The following DLG2 variants were observed in gnomAD, a reference collection of about 807,000 sequenced individuals.
The protein encoded by DLG2 is disks large homolog 2.
DLG2 carries 45 observed loss-of-function variants against 132.5 expected under a neutral mutation model. That is an observed-to-expected ratio of 0.34 (90% CI 0.27 to 0.44). The LOEUF (loss-of-function observed/expected upper bound fraction) is 0.44. Among genes scored for constraint, DLG2 ranks in the 20% least tolerant of loss-of-function variants. The pLI, the probability that DLG2 is intolerant of heterozygous loss-of-function variation, is 1.00. For synonymous variants in DLG2, 424 were observed against 419.6 expected (o/e 1.01, Z -0.13); for missense variants, 1,045 against 1,196.9 (o/e 0.87, Z 1.87).
intron 4 of DLG2, among the ~76,000 whole-genome samples, chr11:85,241,560 C>T (rs1051413060): frequency 6.6e-6 from 1 of 151,888 alleles, no homozygotes; most frequent in Admixed American, 6.6e-5. Context: ...AGATTAAGGA[C>T]ATTTCTTTCT....
intron 19 of DLG2, among the ~76,000 whole-genome samples, chr11:83,563,294 C>T (rs568356294): frequency 6.6e-6 from 1 of 152,242 alleles, no homozygotes; most frequent in South Asian, 2.1e-4. Context: ...TTCTTTACTA[C>T]TGGCTTTAAC....
At position 84,196,952 on chromosome 11, in the gene DLG2, G is replaced by A. The variant is rs537055969; in HGVS notation, c.574-33441C>T. 6.6e-4 allele frequency among the ~76,000 whole-genome samples: 98 copies of A among 148,140 alleles called. 2 individuals carry two copies. In the South Asian group the frequency reaches 0.018, roughly 27 times the overall value. The stretch of plus-strand genomic sequence containing the variant: ...CAAGGGAGGCTGAGGCAAGAGAAGC[G>A]CTTGAACCCAGGAGGCAGAGGTTGC... On this transcript the variant is annotated intron_variant, in intron 8 of 27. Transcript: ENST00000376104.
At chr11:84,778,357 A>G (rs888811684) in intron 6 of DLG2, among the ~76,000 whole-genome samples, 1 of 152,102 alleles carries the variant, frequency 6.6e-6, no homozygotes. Context: ...TTTGATTATT[A>G]TAGCCTTGGA....
chr11:85,056,035 T>C (rs1008484901), intron 6 of DLG2, among the ~76,000 whole-genome samples: 2 of 152,130 alleles, frequency 1.3e-5, no homozygotes, highest in African/African-American at 2.4e-5. Context: ...CAAAGAGAGA[T>C]AACATTCAGA....
At chr11:84,722,707 T>C (rs972969105) in intron 6 of DLG2, among the ~76,000 whole-genome samples, 1 of 152,082 alleles carries the variant, frequency 6.6e-6, no homozygotes, top group African/African-American at 2.4e-5. Context: ...GGAAACTCAA[T>C]ATGGAACAAA....
chr11:85,512,605 G>A (rs1485978642), intron 3 of DLG2, among the ~76,000 whole-genome samples: 1 of 151,970 alleles, frequency 6.6e-6, no homozygotes, highest in Non-Finnish European at 1.5e-5. Context: ...CAGTCTCCTA[G>A]CCAGGTTTAT....
At chr11:84,078,167 G>T (rs1438321561) in intron 10 of DLG2, among the ~76,000 whole-genome samples, 1 of 152,060 alleles carries the variant, frequency 6.6e-6, no homozygotes, top group Non-Finnish European at 1.5e-5. Context: ...AGATTAATAT[G>T]AATTAAAGTT....
At chr11:85,624,642 T>TTGTTTG (rs1448387779) in intron 2 of DLG2, among the ~76,000 whole-genome samples, 14 of 152,130 alleles carry the variant, frequency 9.2e-5, no homozygotes, top group African/African-American at 3.4e-4. Context: ...TACACATAAC[T>TTGTTTG]TGTTTGGCTA....
At chr11:85,541,567 T>C (rs1396108087) in intron 3 of DLG2, among the ~76,000 whole-genome samples, 1 of 151,732 alleles carries the variant, frequency 6.6e-6, no homozygotes, top group Non-Finnish European at 1.5e-5. Context: ...TTAGAAAACA[T>C]CTCCAAACCC....
chr11:85,285,738 G>C (rs1033031480), intron 3 of DLG2, among the ~76,000 whole-genome samples: 2 of 151,950 alleles, frequency 1.3e-5, no homozygotes, highest in Non-Finnish European at 2.9e-5. Flanking sequence ...GATACATACT[G>C]TATGATTCCA....
intron 4 of DLG2, among the ~76,000 whole-genome samples, chr11:85,208,640 G>A (rs977095060): frequency 6.6e-6 from 1 of 152,084 alleles, no homozygotes; most frequent in Non-Finnish European, 1.5e-5. Flanking sequence ...CCAACAGGGA[G>A]CTATAACATG....
At chr11:83,948,768 T>G (rs1434010638) in intron 14 of DLG2, among the ~76,000 whole-genome samples, 1 of 152,168 alleles carries the variant, frequency 6.6e-6, no homozygotes, top group Non-Finnish European at 1.5e-5. Context: ...GGCAAGGACT[T>G]AACTGCTCTG....
chr11:83,527,465 C>T lies in DLG2; in HGVS notation c.2193+5243G>A, dbSNP rs145747923. 4.3e-4 allele frequency among the ~76,000 whole-genome samples: 65 copies of T among 152,198 alleles called. No homozygotes were observed. The East Asian group carries it at 0.011, about 25-fold the overall frequency. ...TGCCGGGCATTGTGGGATTCCAGCA[C>T]TTTGGGAGGCCAAGGCAGGAGGATT... On this transcript the variant is annotated intron_variant, in intron 21 of 27. Coordinates refer to ENST00000376104, the MANE Select transcript of DLG2 (RefSeq NM_001142699.3).
chr11:84,115,106 T>G (rs1397483719), intron 9 of DLG2, among the ~76,000 whole-genome samples: 1 of 152,192 alleles, frequency 6.6e-6, no homozygotes, highest in Non-Finnish European at 1.5e-5. Context: ...TAACTTTCTG[T>G]TTTACACAAC....
chr11:83,895,209 G>T (rs1019340477), intron 15 of DLG2, among the ~76,000 whole-genome samples: 1 of 143,912 alleles, frequency 6.9e-6, no homozygotes, highest in Admixed American at 7.6e-5. Flanking sequence ...TGCCAGGCTG[G>T]AGTGCAATGG....
chr11:85,280,201 G>A (rs541309017), intron 4 of DLG2, among the ~76,000 whole-genome samples: 5 of 152,032 alleles, frequency 3.3e-5, no homozygotes, highest in African/African-American at 7.2e-5. Context: ...ACTCAGAGAC[G>A]TAACAGGACT....
chr11:85,150,961 C>G (rs771120574), intron 5 of DLG2, among the ~76,000 whole-genome samples: 16 of 152,058 alleles, frequency 1.1e-4, no homozygotes, highest in Non-Finnish European at 2.2e-4. Context: ...ATACTGTTTT[C>G]CATAATGGTG....
chr11:84,956,284 C>A (rs1422293108), intron 6 of DLG2, among the ~76,000 whole-genome samples: 1 of 152,084 alleles, frequency 6.6e-6, no homozygotes, highest in East Asian at 1.9e-4. Context: ...AAGAGAGAAG[C>A]AATACCAAAT....
intron 6 of DLG2, among the ~76,000 whole-genome samples, chr11:85,069,073 T>A (rs572203216): frequency 5.9e-5 from 9 of 151,746 alleles, no homozygotes; most frequent in Admixed American, 5.9e-4. Flanking sequence ...ATTTAATAAA[T>A]GGTGCTTGGA....
Sources: gnomAD v4.1 joint callset for allele counts (sites outside exome capture counted in the v4.1 genomes callset) on GRCh38, gnomAD v4.1.1 for gene constraint, MANE v1.5 for transcripts, NCBI Gene and HGNC (gene_info 2026-07-23, HGNC 2026-07-21) for gene names.